INPP4B: variants seen among roughly 807,000 people sequenced by gnomAD.
The protein encoded by INPP4B is inositol polyphosphate-4-phosphatase type II B.
In INPP4B, 55 loss-of-function variants were observed where a neutral mutation model predicts 122.5. That is an observed-to-expected ratio of 0.45 (90% CI 0.36 to 0.56). The LOEUF (loss-of-function observed/expected upper bound fraction) is 0.56, where lower values mean the gene tolerates loss of function less well. INPP4B is among the 20% of genes least tolerant of loss of function. INPP4B has a pLI of 0.00. For synonymous variants in INPP4B, 403 were observed against 388.7 expected, an observed-to-expected ratio of 1.04 and a Z score of -0.43; for missense variants, 1,000 against 1,097.7, an observed-to-expected ratio of 0.91 and a Z score of 1.26.
intron 8 of INPP4B, among the ~76,000 whole-genome samples, chr4:142,314,387 A>G (rs1362153060): frequency 6.6e-6 from 1 of 152,112 alleles, no homozygotes; most frequent in Non-Finnish European, 1.5e-5. Flanking sequence ...AGCGGTAGAG[A>G]TCACATCTGT....
chr4:142,237,912 T>C lies in INPP4B; in HGVS notation c.788A>G (p.His263Arg). 6.3e-7 allele frequency: 1 copy of C among 1,582,342 alleles called. No homozygotes were observed. The highest frequency in any genetic ancestry group is 8.7e-7 in the Non-Finnish European group (1 of 1,154,656). Residue 263 changes from histidine to arginine, a missense_variant, in exon 12 of 26, where the codon CAT becomes CGT. His to Arg is a conservative substitution (Grantham distance 29). Coordinates refer to ENST00000262992, the MANE Select transcript of INPP4B (RefSeq NM_001101669.3). ...EQMSESILSF[H>R]IPKELISLHI... ...AAGGGAAATCAATTCCTTAGGAATA[T>C]GAAAGGAAAGAATGCTCTCTGACAT...
intron 17 of INPP4B, among the ~76,000 whole-genome samples, chr4:142,160,033 T>C (rs1466326365): frequency 6.6e-6 from 1 of 152,066 alleles, no homozygotes; most frequent in East Asian, 1.9e-4. Context: ...GGAGGGTTTT[T>C]TATTCTTTTT....
chr4:142,153,582 C>T (rs763777887), intron 17 of INPP4B, among the ~76,000 whole-genome samples: 7 of 152,106 alleles, frequency 4.6e-5, no homozygotes, highest in Non-Finnish European at 7.4e-5. Flanking sequence ...GTATCCAATA[C>T]AGAACTGCAG....
intron 11 of INPP4B, among the ~76,000 whole-genome samples, chr4:142,253,556 C>A (rs1733708644): frequency 6.6e-6 from 1 of 152,192 alleles, no homozygotes; most frequent in Non-Finnish European, 1.5e-5. Flanking sequence ...TGCAAGGGGT[C>A]AGGGAGTTCC....
intron 3 of INPP4B, among the ~76,000 whole-genome samples, chr4:142,434,519 C>A (rs771791329): frequency 8.5e-5 from 13 of 152,136 alleles, no homozygotes; most frequent in Non-Finnish European, 1.6e-4. Flanking sequence ...TCAGTTTAAA[C>A]CCAGCATTTC....
At chr4:142,507,850 C>A (rs1824214934) in intron 2 of INPP4B, among the ~76,000 whole-genome samples, 1 of 152,092 alleles carries the variant, frequency 6.6e-6, no homozygotes, top group Non-Finnish European at 1.5e-5. Flanking sequence ...AAGTCCCAAC[C>A]TGACTATTGA....
intron 1 of INPP4B, among the ~76,000 whole-genome samples, chr4:142,839,332 C>T (rs574291195): frequency 6.3e-4 from 96 of 152,164 alleles, no homozygotes; most frequent in African/African-American, 2.2e-3. Flanking sequence ...GTAGTGTGCG[C>T]CTGTAATCCC....
intron 2 of INPP4B, among the ~76,000 whole-genome samples, chr4:142,624,759 A>G (rs1172144160): frequency 6.6e-6 from 1 of 152,194 alleles, no homozygotes; most frequent in Non-Finnish European, 1.5e-5. Context: ...TGAATCCAGC[A>G]GCACATCAAA....
intron 7 of INPP4B, among the ~76,000 whole-genome samples, chr4:142,396,933 G>A (rs966923538): frequency 9.2e-5 from 14 of 152,088 alleles, no homozygotes; most frequent in African/African-American, 3.1e-4. Context: ...GTTGTATGGG[G>A]TGGTAATTGG....
chr4:142,631,931 G>C (rs558547090), intron 2 of INPP4B, among the ~76,000 whole-genome samples: 1 of 152,024 alleles, frequency 6.6e-6, no homozygotes, highest in East Asian at 1.9e-4. Flanking sequence ...GGTTGTGAAA[G>C]GCAGCAAGAC....
At chr4:142,646,275 A>G (rs1751761513) in intron 2 of INPP4B, among the ~76,000 whole-genome samples, 1 of 152,214 alleles carries the variant, frequency 6.6e-6, no homozygotes, top group Non-Finnish European at 1.5e-5. Context: ...TAACAGCCTA[A>G]CACAGAGAAT....
At chr4:142,410,791 T>G (rs1292691062) in intron 5 of INPP4B, among the ~76,000 whole-genome samples, 2 of 152,154 alleles carry the variant, frequency 1.3e-5, no homozygotes, top group Non-Finnish European at 2.9e-5. Context: ...AATATATGAG[T>G]CCCTTTAAAT....
chr4:142,171,706 C>T (rs1300938689), intron 16 of INPP4B, among the ~76,000 whole-genome samples: 1 of 151,708 alleles, frequency 6.6e-6, no homozygotes, highest in Non-Finnish European at 1.5e-5. Flanking sequence ...AAAAAAGATC[C>T]TCCTAGTTTT....
chr4:142,480,062 C>T (rs1199378491), intron 2 of INPP4B, among the ~76,000 whole-genome samples: 1 of 152,130 alleles, frequency 6.6e-6, no homozygotes, highest in Admixed American at 6.5e-5. Context: ...GATTGTCACT[C>T]CAGATAGTCA....
intron 12 of INPP4B, among the ~76,000 whole-genome samples, chr4:142,217,240 A>G (rs1217503021): frequency 2.0e-5 from 3 of 152,224 alleles, no homozygotes; most frequent in African/African-American, 7.2e-5. Flanking sequence ...AAAACATAGC[A>G]TTAAAGCCCA....
intron 7 of INPP4B, among the ~76,000 whole-genome samples, chr4:142,383,333 C>T (rs531204812): frequency 6.6e-6 from 1 of 152,256 alleles, no homozygotes; most frequent in East Asian, 1.9e-4. Context: ...AATATAGTCA[C>T]AGTCATACTG....
At chr4:142,371,072 G>T (rs1481522776) in intron 7 of INPP4B, among the ~76,000 whole-genome samples, 1 of 152,038 alleles carries the variant, frequency 6.6e-6, no homozygotes. Context: ...CATGGTATTG[G>T]TATAAAAGAC....
At chr4:142,593,104 T>TAA (rs70949176) in intron 2 of INPP4B, among the ~76,000 whole-genome samples, 3 of 143,130 alleles carry the variant, frequency 2.1e-5, no homozygotes, top group South Asian at 2.2e-4. Flanking sequence ...ATCCTGTTTT[T>TAA]AAAAAAAAAA....
At chr4:142,252,306 A>G (rs1283718923) in intron 11 of INPP4B, among the ~76,000 whole-genome samples, 2 of 149,190 alleles carry the variant, frequency 1.3e-5, no homozygotes, top group African/African-American at 5.0e-5. Flanking sequence ...CTCCTGCCTC[A>G]GCCTCCCGAG....
Sources: gnomAD v4.1 joint callset for allele counts (sites outside exome capture counted in the v4.1 genomes callset) on GRCh38, gnomAD v4.1.1 for gene constraint, MANE v1.5 for transcripts, NCBI Gene and HGNC (gene_info 2026-07-23, HGNC 2026-07-21) for gene names.